OGA: variants seen among roughly 807,000 people sequenced by gnomAD.
The protein encoded by OGA is protein O-GlcNAcase.
Under a neutral mutation model 102.0 loss-of-function variants are expected in OGA, and 21 were observed. That is an observed-to-expected ratio of 0.21 (90% confidence interval 0.15 to 0.30). OGA has a LOEUF of 0.30. Among genes scored for constraint, OGA ranks in the 10% least tolerant of loss-of-function variants. The probability of loss-of-function intolerance (pLI) is 1.00; values close to 1 mark genes in which losing one functional copy is unlikely to be tolerated. For missense variants in OGA, 765 were observed against 1,107.8 expected, an observed-to-expected ratio of 0.69 and a Z score of 4.39; for synonymous variants, 408 against 378.2, an observed-to-expected ratio of 1.08 and a Z score of -0.91.
intron 14 of OGA, among the ~76,000 whole-genome samples, chr10:101,789,854 C>T (rs1404367259): frequency 6.6e-6 from 1 of 152,172 alleles, no homozygotes; most frequent in Non-Finnish European, 1.5e-5. Flanking sequence ...TGGCTTGCAC[C>T]TGTAGTCCCA....
chr10:101,800,819 G>C (rs2065381756), intron 7 of OGA, among the ~76,000 whole-genome samples: 1 of 139,894 alleles, frequency 7.1e-6, no homozygotes, highest in Admixed American at 7.6e-5. Context: ...CCATCACCCA[G>C]GCTGGAGTGC....
intron 3 of OGA, among the ~76,000 whole-genome samples, 157 bp from the exon 4 acceptor site, chr10:101,810,471 A>G (rs1040077491): frequency 6.6e-6 from 1 of 152,258 alleles, no homozygotes; most frequent in African/African-American, 2.4e-5. Context: ...AACAGGCCAT[A>G]CAAAATGGTA....
intron 4 of OGA, among the ~76,000 whole-genome samples, chr10:101,809,618 T>C (rs950535364): frequency 1.4e-5 from 2 of 147,198 alleles, no homozygotes; most frequent in Admixed American, 6.9e-5. Flanking sequence ...GGCTGAGGCA[T>C]GAGAATCGCT....
intron 12 of OGA, 161 bp from the exon 13 acceptor site, chr10:101,791,600 G>A (rs971410876): frequency 8.2e-6 from 5 of 612,896 alleles, no homozygotes; most frequent in South Asian, 6.1e-5. Flanking sequence ...TTTATTCATT[G>A]AGTCAGATTT....
chr10:101,792,811 C>T (rs193155702), intron 12 of OGA, 28 bp downstream of exon 12: 1 of 1,500,704 alleles, frequency 6.7e-7, no homozygotes, highest in East Asian at 2.3e-5. Context: ...TACCCATACA[C>T]CAAGTTGGTA....
intron 7 of OGA, among the ~76,000 whole-genome samples, chr10:101,803,531 A>C (rs1377927493): frequency 1.3e-5 from 2 of 152,078 alleles, no homozygotes; most frequent in Non-Finnish European, 2.9e-5. Flanking sequence ...TTCTTCTATC[A>C]TATACATCTT....
chr10:101,810,472 C>T (rs1185819838), intron 3 of OGA, among the ~76,000 whole-genome samples, 158 bp from the exon 4 acceptor site: 1 of 152,142 alleles, frequency 6.6e-6, no homozygotes, highest in Non-Finnish European at 1.5e-5. Context: ...ACAGGCCATA[C>T]AAAATGGTAC....
At chr10:101,796,702 C>T (rs956285224) in intron 10 of OGA, among the ~76,000 whole-genome samples, 2 of 152,186 alleles carry the variant, frequency 1.3e-5, no homozygotes, top group East Asian at 3.9e-4. Context: ...TCTCAAGTAG[C>T]TGGGATTACA....
At chr10:101,812,691 C>T (rs1367702493) in intron 3 of OGA, 20 of 310,502 alleles carry the variant, frequency 6.4e-5, no homozygotes, top group Non-Finnish European at 8.1e-5. Context: ...ACCCAAGGTA[C>T]GTGCCTCACT....
intron 1 of OGA, among the ~76,000 whole-genome samples, chr10:101,817,015 T>C (rs990665717): frequency 2.6e-5 from 4 of 152,222 alleles, no homozygotes; most frequent in African/African-American, 9.6e-5. Flanking sequence ...GAAAGACTAA[T>C]AATGTAACCG....
chr10:101,799,208 A>T lies in OGA; in HGVS notation c.1443T>A (p.Asn481Lys), dbSNP rs1329589784. The T allele has an allele frequency of 6.2e-7, 1 of 1,613,924 alleles. No individual in the cohort carries two copies. Among genetic ancestry groups the T allele is most frequent in the Non-Finnish European group, 8.5e-7 (1 of 1,180,014 alleles). The part of the protein sequence containing the change: ...KQEETDHKND[N>K]QILSEIVEAK... Reference sequence around the variant, plus strand: ...CTTCAACAATTTCACTCAGTATTTGATTGTCATTCTTGTGGTCCGTTTCTT... The same window carrying T: ...CTTCAACAATTTCACTCAGTATTTGTTTGTCATTCTTGTGGTCCGTTTCTT... The change falls in exon 9 of 16, where the codon AAT (asparagine) becomes AAA (lysine). Residue 481 changes from asparagine to lysine, a missense_variant. Around this residue, in one of 7 missense-constraint regions of OGA, gnomAD observed 281 missense variants for 345.8 expected, o/e 0.81. Coordinates refer to ENST00000361464, the MANE Select transcript of OGA (RefSeq NM_012215.5).
chr10:101,787,059 T>C (rs1203801913), intron 15 of OGA, among the ~76,000 whole-genome samples: 3 of 150,810 alleles, frequency 2.0e-5, no homozygotes, highest in African/African-American at 7.3e-5. Context: ...TTTTTTAAAT[T>C]AGGTAGAGAT....
chr10:101,811,581 T>C (rs1176493023), intron 3 of OGA, among the ~76,000 whole-genome samples: 1 of 152,008 alleles, frequency 6.6e-6, no homozygotes, highest in Admixed American at 6.6e-5. Flanking sequence ...CCCGCGCTTG[T>C]AGTCCCAGCT....
In OGA at chr10:101,784,654, C is replaced by A. The variant is rs2065174664; in HGVS notation, c.*1797G>T. 6.6e-6 allele frequency: 1 copy of A among 152,258 alleles called. No individual in the cohort carries two copies. Among genetic ancestry groups the A allele is most frequent in the Non-Finnish European group, 1.5e-5 (1 of 68,044 alleles). The allele number at this position is 152,258 out of a possible 1,614,324, so 9.4% of individuals were successfully genotyped here. A position where few individuals can be genotyped will look rare whatever the true frequency, so the allele number is the denominator to read the frequency against. ...CACAGTCACCTGTGACCAGACCAGCCAACATGATTACTAAAAGCCAAGATA... is the reference window on the plus strand; with the variant it reads ...CACAGTCACCTGTGACCAGACCAGCAAACATGATTACTAAAAGCCAAGATA... On this transcript the variant is annotated 3_prime_UTR_variant, in exon 16 of 16. Transcript: ENST00000361464.
intron 1 of OGA, among the ~76,000 whole-genome samples, chr10:101,817,475 A>T (rs1201876517): frequency 2.0e-5 from 3 of 152,174 alleles, no homozygotes; most frequent in Non-Finnish European, 4.4e-5. Flanking sequence ...ATATTTTTTC[A>T]CTGGAACCAG....
At chr10:101,807,480 T>G (rs2135079389) in intron 5 of OGA, among the ~76,000 whole-genome samples, 1 of 152,364 alleles carries the variant, frequency 6.6e-6, no homozygotes, top group South Asian at 2.1e-4. Flanking sequence ...CCTCTTTTAA[T>G]ATTGACAATG....
chr10:101,817,621 G>C (rs2135108371), intron 1 of OGA, among the ~76,000 whole-genome samples: 1 of 152,288 alleles, frequency 6.6e-6, no homozygotes, highest in African/African-American at 2.4e-5. Flanking sequence ...AGACTTGTGA[G>C]TGGCCAGGGG....
Position 101,818,084 on chromosome 10 carries a change from C to A in OGA, c.-62G>T. On this transcript the variant is annotated 5_prime_UTR_variant, in exon 1 of 16. Coordinates refer to ENST00000361464, the MANE Select transcript of OGA (RefSeq NM_012215.5). The stretch of plus-strand genomic sequence containing the variant: ...TCCTCGACCTCTGTCCGTTGGGGCA[C>A]CGGCCCGGAGCCCTGGAGAGGGCTT... 6.8e-7 allele frequency: 1 copy of A among 1,471,346 alleles called. No individual in the cohort carries two copies. The highest frequency in any genetic ancestry group is 9.0e-7 in the Non-Finnish European group (1 of 1,108,834). 91.1% of individuals were successfully genotyped at this position (1,471,346 alleles called of 1,614,324 possible). A position where few individuals can be genotyped will look rare whatever the true frequency, so the allele number is the denominator to read the frequency against.
At chr10:101,794,830 G>A (rs529443046) in intron 10 of OGA, among the ~76,000 whole-genome samples, 2 of 152,264 alleles carry the variant, frequency 1.3e-5, no homozygotes, top group African/African-American at 4.8e-5. Flanking sequence ...AATGTTTGGA[G>A]GCCAAATCAA....
Sources: gnomAD v4.1 joint callset for allele counts (sites outside exome capture counted in the v4.1 genomes callset) on GRCh38, gnomAD v4.1.1 for gene constraint, gnomAD v4.1.1 regional missense constraint, MANE v1.5 for transcripts, NCBI Gene and HGNC (gene_info 2026-07-23, HGNC 2026-07-21) for gene names.